The following MECOM variants were observed in gnomAD, a reference collection of about 807,000 sequenced individuals.
MECOM encodes MDS1 and EVI1 complex locus, also known as histone-lysine N-methyltransferase MECOM.
MECOM carries 13 observed loss-of-function variants against 116.3 expected under a neutral mutation model. That is an observed-to-expected ratio of 0.11 (90% confidence interval 0.07 to 0.18). The LOEUF (loss-of-function observed/expected upper bound fraction) is 0.18. Ranked by LOEUF, MECOM falls within the 10% of genes least tolerant of loss-of-function variation. The pLI is 1.00. For synonymous variants in MECOM, 528 were observed against 535.2 expected, an observed-to-expected ratio of 0.99 and a Z score of 0.19; for missense variants, 1,299 against 1,509.0, an observed-to-expected ratio of 0.86 and a Z score of 2.31.
intron 1 of MECOM, among the ~76,000 whole-genome samples, chr3:169,382,075 A>G (rs1370520779): frequency 6.6e-6 from 1 of 152,128 alleles, no homozygotes; most frequent in Non-Finnish European, 1.5e-5. Context: ...TCCAATTTTG[A>G]ACATGTCACC....
At chr3:169,123,947 G>A (rs1277173664) in intron 5 of MECOM, among the ~76,000 whole-genome samples, 1 of 152,032 alleles carries the variant, frequency 6.6e-6, no homozygotes, top group African/African-American at 2.4e-5. Context: ...TAAATAAAGG[G>A]AAAATATTTG....
chr3:169,580,265 T>A (rs1200937772), intron 1 of MECOM, among the ~76,000 whole-genome samples: 1 of 152,126 alleles, frequency 6.6e-6, no homozygotes, highest in African/African-American at 2.4e-5. Flanking sequence ...ACAGATGACG[T>A]TTGGTTACAT....
At chr3:169,133,216 T>C (rs1023581484) in intron 3 of MECOM, 5 of 152,178 alleles carry the variant, frequency 3.3e-5, no homozygotes, top group Admixed American at 2.6e-4. Context: ...AACTATGGTT[T>C]TTTGCAAGAT....
intron 7 of MECOM, 123 bp from the exon 8 acceptor site, chr3:169,116,862 C>G (rs1729325872): frequency 5.7e-6 from 7 of 1,232,066 alleles, no homozygotes; most frequent in Non-Finnish European, 7.6e-6. Context: ...TTGGAGGCAC[C>G]AATCTGGGTG....
intron 1 of MECOM, among the ~76,000 whole-genome samples, chr3:169,581,382 C>T (rs571299522): frequency 4.6e-4 from 70 of 152,284 alleles, no homozygotes; most frequent in African/African-American, 1.6e-3. Flanking sequence ...ACCATCAAAC[C>T]CTACCTAATG....
At chr3:169,346,608 G>GA (rs982356292) in intron 2 of MECOM, among the ~76,000 whole-genome samples, 2 of 151,428 alleles carry the variant, frequency 1.3e-5, no homozygotes, top group East Asian at 1.9e-4. Context: ...GCCACAGGGG[G>GA]AAAAAATGCA....
At chr3:169,622,410 A>G (rs1770858728) in intron 1 of MECOM, among the ~76,000 whole-genome samples, 1 of 152,162 alleles carries the variant, frequency 6.6e-6, no homozygotes, top group Non-Finnish European at 1.5e-5. Flanking sequence ...GAATCAGTTC[A>G]TTTTTAAACG....
chr3:169,296,373 G>T (rs901681659), intron 2 of MECOM, among the ~76,000 whole-genome samples: 1 of 152,184 alleles, frequency 6.6e-6, no homozygotes, highest in Non-Finnish European at 1.5e-5. Flanking sequence ...TATTCTTGGC[G>T]GCAGGCTGGT....
At chr3:169,350,148 A>G (rs1273031834) in intron 2 of MECOM, among the ~76,000 whole-genome samples, 2 of 152,006 alleles carry the variant, frequency 1.3e-5, no homozygotes, top group Non-Finnish European at 2.9e-5. Flanking sequence ...TTTGGTTGTT[A>G]GTTGGTTTTG....
chr3:169,088,654 A>G (rs1460172120), intron 16 of MECOM, among the ~76,000 whole-genome samples: 1 of 152,206 alleles, frequency 6.6e-6, no homozygotes, highest in African/African-American at 2.4e-5. Flanking sequence ...ACAAAAGTAT[A>G]GACACGGAAA....
chr3:169,285,571 G>A (rs1329112004), intron 2 of MECOM, among the ~76,000 whole-genome samples: 1 of 152,196 alleles, frequency 6.6e-6, no homozygotes, highest in Admixed American at 6.5e-5. Flanking sequence ...AGCTACAAGT[G>A]TGTGACTGCA....
chr3:169,161,088 A>C (rs1301359645), intron 2 of MECOM, among the ~76,000 whole-genome samples: 1 of 152,240 alleles, frequency 6.6e-6, no homozygotes, highest in African/African-American at 2.4e-5. Context: ...GGAATCTTCT[A>C]TATCCTGGCA....
chr3:169,263,679 TA>T (rs148544167), intron 2 of MECOM, among the ~76,000 whole-genome samples: 4,736 of 152,122 alleles, frequency 0.031, 112 homozygotes, highest in Middle Eastern at 0.088. Flanking sequence ...TTAAAGTAAA[TA>T]GGAATTAGAC....
chr3:169,188,430 T>C (rs983705749), intron 2 of MECOM, among the ~76,000 whole-genome samples: 1 of 151,986 alleles, frequency 6.6e-6, no homozygotes, highest in Non-Finnish European at 1.5e-5. Context: ...AAATAGAGAA[T>C]TAAGGAAGAA....
chr3:169,476,129 T>C (rs1208030546), intron 1 of MECOM, among the ~76,000 whole-genome samples: 1 of 152,172 alleles, frequency 6.6e-6, no homozygotes, highest in East Asian at 1.9e-4. Flanking sequence ...GAAACATATA[T>C]ATAGTATTAA....
chr3:169,328,143 T>C (rs1414126109), intron 2 of MECOM, among the ~76,000 whole-genome samples: 2 of 152,218 alleles, frequency 1.3e-5, no homozygotes, highest in East Asian at 3.9e-4. Context: ...TTTGTCACAC[T>C]GGCTTCTCAC....
intron 10 of MECOM, among the ~76,000 whole-genome samples, chr3:169,103,454 A>T (rs1391033799): frequency 6.6e-6 from 1 of 152,162 alleles, no homozygotes; most frequent in Non-Finnish European, 1.5e-5. Flanking sequence ...TTTGATTCTC[A>T]GGGCAGTGTG....
Position 169,329,724 on chromosome 3 carries a change from T to C in MECOM, c.375+51463A>G, listed in dbSNP as rs539059862. ...CATTGCAATATTTTTAAGAGAAAAT[T>C]ATTTTAGATTTGAATTCTGCAAAAA... is the stretch of plus-strand genomic sequence containing the variant. On this transcript the variant is annotated intron_variant, in intron 2 of 16. Coordinates refer to ENST00000651503, the MANE Select transcript of MECOM (RefSeq NM_004991.4). Among the ~76,000 whole-genome samples, 168 of 152,346 alleles carry C rather than the reference T, an allele frequency of 1.1e-3. 2 individuals carry two copies. The highest frequency in any genetic ancestry group is 4.0e-3 in the African/African-American group (165 of 41,588).
intron 1 of MECOM, among the ~76,000 whole-genome samples, chr3:169,533,070 C>A (rs1758857178): frequency 6.6e-6 from 1 of 152,108 alleles, no homozygotes; most frequent in Admixed American, 6.6e-5. Context: ...TGTAATATAT[C>A]TCTATTTTGC....
Sources: gnomAD v4.1 joint callset for allele counts (sites outside exome capture counted in the v4.1 genomes callset) on GRCh38, gnomAD v4.1.1 for gene constraint, MANE v1.5 for transcripts, NCBI Gene and HGNC (gene_info 2026-07-23, HGNC 2026-07-21) for gene names.